The following CHST11 variants were observed in gnomAD, a reference collection of about 807,000 sequenced individuals.
CHST11 encodes carbohydrate sulfotransferase 11.
In CHST11, 9 loss-of-function variants were observed where a neutral mutation model predicts 30.4. The ratio of observed to expected loss-of-function variants is 0.30; its 90% confidence interval spans 0.18 to 0.52. The LOEUF (loss-of-function observed/expected upper bound fraction) is 0.52, where lower values mean the gene tolerates loss of function less well. Ranked by LOEUF, CHST11 falls within the 20% of genes least tolerant of loss-of-function variation. The pLI is 0.97. For missense variants in CHST11, 348 were observed against 460.6 expected (o/e 0.76, Z 2.24); for synonymous variants, 152 against 187.8 (o/e 0.81, Z 1.56).
chr12:104,706,862 A>G (rs1346868989), intron 2 of CHST11, among the ~76,000 whole-genome samples: 2 of 152,124 alleles, frequency 1.3e-5, no homozygotes, highest in Non-Finnish European at 2.9e-5. Context: ...TAATATGGAG[A>G]ACTTGGGGCA....
intron 1 of CHST11, among the ~76,000 whole-genome samples, chr12:104,485,648 G>C (rs542991405): frequency 3.0e-4 from 46 of 152,326 alleles, no homozygotes; most frequent in Admixed American, 7.2e-4. Context: ...AGACTGACTC[G>C]GGCACTTCTC....
intron 2 of CHST11, among the ~76,000 whole-genome samples, chr12:104,661,211 G>A (rs2039594999): frequency 6.6e-6 from 1 of 152,158 alleles, no homozygotes; most frequent in Admixed American, 6.5e-5. Context: ...TGTCAGTGGG[G>A]TTAAATGAGA....
intron 2 of CHST11, among the ~76,000 whole-genome samples, chr12:104,678,076 T>C (rs1015875245): frequency 6.6e-6 from 1 of 152,254 alleles, no homozygotes; most frequent in African/African-American, 2.4e-5. Flanking sequence ...ATTGTCTTCA[T>C]AGCACTTGTC....
intron 1 of CHST11, among the ~76,000 whole-genome samples, chr12:104,532,106 G>A (rs1795851): frequency 0.58 from 88,301 of 151,972 alleles, 25,972 homozygotes; most frequent in East Asian, 0.82. Flanking sequence ...TTCTCCCACC[G>A]TCTCTTTCCC....
chr12:104,582,681 C>T (rs1043945566), intron 1 of CHST11, among the ~76,000 whole-genome samples: 10 of 151,836 alleles, frequency 6.6e-5, no homozygotes, highest in African/African-American at 2.4e-4. Context: ...TAACTGTGTA[C>T]CGTTGGCAAG....
At chr12:104,673,790 C>T (rs1322683374) in intron 2 of CHST11, among the ~76,000 whole-genome samples, 1 of 152,238 alleles carries the variant, frequency 6.6e-6, no homozygotes, top group Non-Finnish European at 1.5e-5. Flanking sequence ...GTTCCTTAAC[C>T]TCTCTGAGTC....
At chr12:104,709,454 A>G (rs1183344344) in intron 2 of CHST11, among the ~76,000 whole-genome samples, 1 of 152,106 alleles carries the variant, frequency 6.6e-6, no homozygotes, top group Non-Finnish European at 1.5e-5. Context: ...GATGCCCACC[A>G]TTGCAAAGCA....
chr12:104,558,718 TG>T (rs2038484152), intron 1 of CHST11, among the ~76,000 whole-genome samples: 1 of 151,874 alleles, frequency 6.6e-6, no homozygotes, highest in African/African-American at 2.4e-5. Flanking sequence ...TTGTATTTTT[TG>T]GTAGAGACAG....
intron 1 of CHST11, among the ~76,000 whole-genome samples, chr12:104,494,152 G>T (rs190469241): frequency 6.6e-6 from 1 of 152,192 alleles, no homozygotes; most frequent in Non-Finnish European, 1.5e-5. Flanking sequence ...CCCATCCACA[G>T]TCACGAGGAC....
At chr12:104,621,235 G>A (rs958088592) in intron 2 of CHST11, among the ~76,000 whole-genome samples, 1 of 152,174 alleles carries the variant, frequency 6.6e-6, no homozygotes, top group Non-Finnish European at 1.5e-5. Flanking sequence ...GGATCTGTTT[G>A]GAGAATAAAA....
At chr12:104,553,568 C>A (rs1388084293) in intron 1 of CHST11, 14 of 140,214 alleles carry the variant, frequency 1.0e-4, no homozygotes, top group African/African-American at 2.5e-4. Flanking sequence ...ATGGTGTCAG[C>A]GAGAGAGAGA....
intron 1 of CHST11, among the ~76,000 whole-genome samples, chr12:104,558,307 T>TAGAG (rs2038477620): frequency 6.6e-6 from 1 of 152,126 alleles, no homozygotes; most frequent in South Asian, 2.1e-4. Flanking sequence ...CCTAGCCCTC[T>TAGAG]GCCTGGCTGT....
chr12:104,481,097 G>A (rs1385930430), intron 1 of CHST11, among the ~76,000 whole-genome samples: 10 of 152,174 alleles, frequency 6.6e-5, no homozygotes, highest in Non-Finnish European at 1.5e-4. Context: ...TGGGAAGAGA[G>A]CTGCCTTTCT....
At chr12:104,484,874 G>A (rs1189254400) in intron 1 of CHST11, among the ~76,000 whole-genome samples, 1 of 152,196 alleles carries the variant, frequency 6.6e-6, no homozygotes, top group East Asian at 1.9e-4. Context: ...CATGAAGGAT[G>A]TGGGGATTGT....
intron 2 of CHST11, among the ~76,000 whole-genome samples, chr12:104,718,271 G>A (rs2040147144): frequency 6.6e-6 from 1 of 152,244 alleles, no homozygotes; most frequent in African/African-American, 2.4e-5. Flanking sequence ...CAGTCTGTCA[G>A]TGGCAGAAGT....
intron 2 of CHST11, among the ~76,000 whole-genome samples, chr12:104,634,819 C>G (rs2039307837): frequency 6.6e-6 from 1 of 152,188 alleles, no homozygotes; most frequent in African/African-American, 2.4e-5. Context: ...TTAAAAACCC[C>G]ACACCTTCAG....
In CHST11 at chr12:104,573,475, G is replaced by A. The variant is rs563390264; in HGVS notation, c.119-28431G>A. ...CTTCAAACTATACTACAAGGCTACAGTAACCAAAACAGCATGGTGCTGGTA... is the reference window on the plus strand; with the variant it reads ...CTTCAAACTATACTACAAGGCTACAATAACCAAAACAGCATGGTGCTGGTA... On this transcript the variant is annotated intron_variant, in intron 1 of 2. Transcript: ENST00000303694. Among the ~76,000 whole-genome samples the A allele has an allele frequency of 1.4e-3, 218 of 152,338 alleles. 1 individual carries two copies. Among genetic ancestry groups the A allele is most frequent in the Admixed American group, 3.1e-3 (48 of 15,304 alleles).
chr12:104,482,581 A>G (rs770281694), intron 1 of CHST11, among the ~76,000 whole-genome samples: 13 of 151,990 alleles, frequency 8.6e-5, no homozygotes, highest in Non-Finnish European at 1.8e-4. Flanking sequence ...GCTTGCTTAG[A>G]TCGATGAGAC....
At chr12:104,684,593 G>C (rs1240685015) in intron 2 of CHST11, among the ~76,000 whole-genome samples, 1 of 152,216 alleles carries the variant, frequency 6.6e-6, no homozygotes, top group Non-Finnish European at 1.5e-5. Context: ...TGTTACCCAG[G>C]CTGGAGTGCA....
Sources: allele counts gnomAD v4.1 joint callset (sites outside exome capture counted in the v4.1 genomes callset), GRCh38; gene constraint gnomAD v4.1.1; transcripts MANE v1.5; gene names NCBI Gene and HGNC (gene_info 2026-07-23, HGNC 2026-07-21).